PDE4C: variants seen among roughly 807,000 people sequenced by gnomAD.
PDE4C encodes the protein 3',5'-cyclic-AMP phosphodiesterase 4C.
PDE4C carries 50 observed loss-of-function variants against 63.9 expected under a neutral mutation model. That is an observed-to-expected ratio of 0.78 (90% confidence interval 0.62 to 0.99). The LOEUF (loss-of-function observed/expected upper bound fraction) is 0.99, where lower values mean the gene tolerates loss of function less well. PDE4C is among the 50% of genes least tolerant of loss of function. The pLI is 0.00. For missense variants in PDE4C, 777 were observed against 899.1 expected (o/e 0.86, Z 1.74); for synonymous variants, 377 against 385.1 (o/e 0.98, Z 0.25).
Position 18,221,127 on chromosome 19 carries a change from G to A in PDE4C, c.427C>T (p.Gln143Ter). ...TACTTGGCTGCTCCTAGGCATTGCT[G>A]GCGGGCAAGGGCCGCCACGTTGCTC... is the stretch of plus-strand genomic sequence containing the variant. The change falls in exon 4 of 15, where the codon CAG becomes TAG. Residue 143 changes from glutamine (Q) to a stop codon, truncating the protein, a stop_gained. Transcript: ENST00000262805. LOFTEE classifies it high-confidence loss of function. 1 of 1,570,764 alleles carries A rather than the reference G, an allele frequency of 6.4e-7. No homozygotes were observed. Among genetic ancestry groups the A allele is most frequent in the East Asian group, 2.3e-5 (1 of 44,216 alleles).
chr19:18,253,810 G>A, the PDE4C span, among the ~76,000 whole-genome samples: 3 of 152,340 alleles, frequency 2.0e-5, no homozygotes, highest in East Asian at 5.8e-4. Flanking sequence ...CAGGGACCAG[G>A]CTGAGGGCAG....
chr19:18,222,408 C>G, intron 1 of PDE4C, 85 bp from the exon 2 acceptor site: 1 of 1,264,098 alleles, frequency 7.9e-7, no homozygotes. Flanking sequence ...TGCGTCCTCC[C>G]TGGGGCTGCT....
Position 18,211,316 on chromosome 19 carries a change from A to G in PDE4C, c.1696-40T>C, listed in dbSNP as rs1967930831. The G allele has an allele frequency of 2.0e-6, 3 of 1,504,926 alleles. No individual in the cohort carries two copies. In the African/African-American group the frequency reaches 4.1e-5, roughly 21 times the overall value. The allele number at this position is 1,504,926 out of a possible 1,614,324, so 93.2% of individuals were successfully genotyped here. On this transcript the variant is annotated intron_variant, in intron 14 of 14. Coordinates refer to ENST00000262805, the Ensembl canonical transcript of PDE4C. ...GGGGCATGTCGGCATTTGGTGAGTT[A>G]CAGTGAACCCTAGACTCAATCCAGC... is the stretch of plus-strand genomic sequence containing the variant.
downstream of PDE4C, chr19:18,208,492 A>G (rs1446903894): frequency 6.8e-6 from 1 of 147,942 alleles, no homozygotes; most frequent in Non-Finnish European, 1.5e-5. Flanking sequence ...ACCCCCGACA[A>G]GCGCGCCCCG....
intron 7 of PDE4C, 195 bp from the exon 8 acceptor site, chr19:18,219,592 G>A: frequency 1.7e-6 from 1 of 602,776 alleles, no homozygotes; most frequent in Non-Finnish European, 2.9e-6. Context: ...GGGAGGTCGA[G>A]GTGGGCAGAT....
At chr19:18,218,631 G>A in intron 9 of PDE4C, 133 bp from the exon 10 acceptor site, 1 of 973,438 alleles carries the variant, frequency 1.0e-6, no homozygotes, top group Non-Finnish European at 1.6e-6. Context: ...GTGCTCTCCT[G>A]AACTCCTCCA....
intron 1 of PDE4C, among the ~76,000 whole-genome samples, chr19:18,238,719 A>G (rs1968992691): frequency 6.6e-6 from 1 of 152,200 alleles, no homozygotes; most frequent in South Asian, 2.1e-4. Context: ...AGGGCCCAGC[A>G]CAATGGCTCA....
upstream of PDE4C, among the ~76,000 whole-genome samples, chr19:18,251,592 G>T (rs1415609707): frequency 6.6e-6 from 1 of 150,870 alleles, no homozygotes; most frequent in Non-Finnish European, 1.5e-5. Context: ...CTGCCACCAC[G>T]CCTGGCTAAT....
At chr19:18,221,552 C>T (rs1968485163) in intron 2 of PDE4C, among the ~76,000 whole-genome samples, 1 of 152,100 alleles carries the variant, frequency 6.6e-6, no homozygotes. Context: ...TTCATTATGC[C>T]TACTAGGAAG....
chr19:18,241,822 T>C (rs1969046088), intron 1 of PDE4C, among the ~76,000 whole-genome samples: 1 of 152,188 alleles, frequency 6.6e-6, no homozygotes, highest in Non-Finnish European at 1.5e-5. Flanking sequence ...AGTGCTGGGA[T>C]TCCAGGCTTG....
At chr19:18,224,620 G>A in intron 1 of PDE4C, 1 of 624,688 alleles carries the variant, frequency 1.6e-6, no homozygotes, top group Non-Finnish European at 2.0e-6. Flanking sequence ...GGTCTGCTTC[G>A]AACAAGTCCG....
chr19:18,208,674 T>A (rs1441753611), downstream of PDE4C: 2 of 152,184 alleles, frequency 1.3e-5, no homozygotes, highest in Non-Finnish European at 2.9e-5. Flanking sequence ...AGATTTTATT[T>A]AACCCCAGAT....
chr19:18,252,080 C>T, upstream of PDE4C: 1 of 398,916 alleles, frequency 2.5e-6, no homozygotes, highest in Non-Finnish European at 4.4e-6. Context: ...CAGGGGGCTC[C>T]AAGGTCTGGT....
intron 1 of PDE4C, chr19:18,224,087 T>G (rs754946116): frequency 6.5e-5 from 34 of 523,948 alleles, no homozygotes; most frequent in Non-Finnish European, 7.8e-5. Flanking sequence ...AGGCCGTGCT[T>G]TCTGCCCGGC....
intron 1 of PDE4C, among the ~76,000 whole-genome samples, chr19:18,247,320 G>T (rs541806026): frequency 6.6e-6 from 1 of 152,154 alleles, no homozygotes; most frequent in South Asian, 2.1e-4. Context: ...GGTGGGGACA[G>T]AGTCTCACTC....
chr19:18,221,044 C>A (rs1968451939), intron 4 of PDE4C, 61 bp downstream of exon 4: 2 of 1,444,780 alleles, frequency 1.4e-6, no homozygotes, highest in African/African-American at 2.8e-5. Flanking sequence ...ATTTGCAGCC[C>A]GCTTTCCGCC....
At chr19:18,221,122 T>C (rs1304350426) in exon 4 of PDE4C, 2 of 1,418,876 alleles carry the variant, frequency 1.4e-6, no homozygotes, top group Non-Finnish European at 1.9e-6. Context: ...CTCCTAGGCA[T>C]TGCTGGCGGG....
chr19:18,246,912 G>A (rs8108887), intron 1 of PDE4C, among the ~76,000 whole-genome samples: 9,194 of 152,210 alleles, frequency 0.06, 421 homozygotes, highest in East Asian at 0.23. Context: ...GGGCGACAGA[G>A]TGAGACCCTG....
chr19:18,219,641 C>T (rs960789868), intron 7 of PDE4C: 3 of 464,798 alleles, frequency 6.5e-6, no homozygotes, highest in Admixed American at 3.9e-5. Flanking sequence ...CTGAGCAATA[C>T]GGTGAAACCC....
Sources: gnomAD v4.1 joint callset for allele counts (sites outside exome capture counted in the v4.1 genomes callset) on GRCh38, gnomAD v4.1.1 for gene constraint, MANE v1.5 for transcripts, NCBI Gene and HGNC (gene_info 2026-07-23, HGNC 2026-07-21) for gene names.